The following CNTNAP5 variants were observed in gnomAD, a reference collection of about 807,000 sequenced individuals.
CNTNAP5 encodes contactin associated protein family member 5.
A neutral mutation model predicts 150.2 loss-of-function variants in CNTNAP5; 72 were observed. The ratio of observed to expected loss-of-function variants is 0.48; its 90% CI spans 0.40 to 0.58. The LOEUF is 0.58. CNTNAP5 is among the 20% of genes least tolerant of loss of function. CNTNAP5 has a pLI of 0.00. For synonymous variants in CNTNAP5, 672 were observed against 619.8 expected (o/e 1.08, Z -1.25); for missense variants, 1,636 against 1,626.2 (o/e 1.01, Z -0.10).
chr2:124,359,457 C>T, intron 3 of CNTNAP5, among the ~76,000 whole-genome samples: 1 of 151,750 alleles, frequency 6.6e-6, no homozygotes, highest in South Asian at 2.1e-4. Context: ...TATAAATTTC[C>T]CTCTACACAC....
At chr2:124,171,661 A>G (rs1431553921) in intron 1 of CNTNAP5, among the ~76,000 whole-genome samples, 3 of 152,196 alleles carry the variant, frequency 2.0e-5, no homozygotes, top group Non-Finnish European at 4.4e-5. Flanking sequence ...AGGTCTATCT[A>G]CTAGAGCAAA....
At chr2:124,508,510 C>T (rs1281570945) in intron 8 of CNTNAP5, among the ~76,000 whole-genome samples, 1 of 152,162 alleles carries the variant, frequency 6.6e-6, no homozygotes, top group Non-Finnish European at 1.5e-5. Context: ...CAGCACATTG[C>T]TCTTAAAAAT....
At chr2:124,395,212 A>G (rs965237599) in intron 3 of CNTNAP5, among the ~76,000 whole-genome samples, 2 of 152,208 alleles carry the variant, frequency 1.3e-5, no homozygotes, top group Admixed American at 1.3e-4. Context: ...ACAAAATAGA[A>G]AGAATCAAGT....
chr2:124,137,117 G>T (rs1443669680), intron 1 of CNTNAP5, among the ~76,000 whole-genome samples: 1 of 152,108 alleles, frequency 6.6e-6, no homozygotes, highest in African/African-American at 2.4e-5. Context: ...AGCTCCTCAA[G>T]GGCTAGATGA....
chr2:124,610,036 C>T (rs763367861), intron 12 of CNTNAP5, 116 bp downstream of exon 12: 280 of 1,198,840 alleles, frequency 2.3e-4, no homozygotes, highest in Middle Eastern at 5.4e-4. Context: ...ACCAACTGGT[C>T]TCCTTTGGGG....
Position 124,902,927 on chromosome 2 carries a change from G to A in CNTNAP5, c.3482G>A (p.Gly1161Asp). 1 of 1,612,652 alleles carries A rather than the reference G, an allele frequency of 6.2e-7. No homozygotes were observed. The highest frequency in any genetic ancestry group is 2.2e-5 in the East Asian group (1 of 44,688). The change falls in exon 22 of 24, where the codon GGT (glycine) becomes GAT (aspartate). Residue 1161 changes from glycine to aspartate, a missense_variant. Gly to Asp is a moderately conservative substitution (Grantham distance 94). Transcript: ENST00000682447. ...GAAGTTGCTAAAGCAAATGCCATGG[G>A]TTTTGCTGGATGCATGTCTTCCGTC... is the stretch of plus-strand genomic sequence containing the variant. ...DSEVAKANAM[G>D]FAGCMSSVQY...
At chr2:124,579,133 A>G (rs1439658355) in intron 11 of CNTNAP5, among the ~76,000 whole-genome samples, 2 of 152,166 alleles carry the variant, frequency 1.3e-5, no homozygotes, top group East Asian at 3.9e-4. Flanking sequence ...TACTCCTCTT[A>G]ACATATGTAA....
intron 6 of CNTNAP5, among the ~76,000 whole-genome samples, chr2:124,467,335 G>A (rs1299361426): frequency 1.3e-5 from 2 of 150,180 alleles, no homozygotes; most frequent in East Asian, 3.9e-4. Flanking sequence ...GCCAAGGTTG[G>A]GAATGTTGGA....
At chr2:124,689,262 T>G (rs1440660666) in intron 13 of CNTNAP5, among the ~76,000 whole-genome samples, 1 of 152,120 alleles carries the variant, frequency 6.6e-6, no homozygotes, top group Admixed American at 6.6e-5. Context: ...GATAAATCAG[T>G]AAACAAATAA....
chr2:124,452,250 G>C (rs1347208857), intron 6 of CNTNAP5, among the ~76,000 whole-genome samples: 2 of 152,060 alleles, frequency 1.3e-5, no homozygotes, highest in Non-Finnish European at 2.9e-5. Flanking sequence ...TGGGAGCTGG[G>C]TGAGGCCTGT....
At chr2:124,752,897 G>C (rs1680759173) in intron 14 of CNTNAP5, among the ~76,000 whole-genome samples, 1 of 152,122 alleles carries the variant, frequency 6.6e-6, no homozygotes, top group Non-Finnish European at 1.5e-5. Context: ...GTCAAAGGCT[G>C]GTGGAGCAGC....
At chr2:124,130,424 C>T (rs1683816742) in intron 1 of CNTNAP5, among the ~76,000 whole-genome samples, 2 of 151,950 alleles carry the variant, frequency 1.3e-5, no homozygotes, top group African/African-American at 4.8e-5. Flanking sequence ...GCCCCCTCCT[C>T]CATCCAAGCT....
Position 124,055,544 on chromosome 2 carries a change from G to T in CNTNAP5, c.82+29812G>T, listed in dbSNP as rs79555219. Among the ~76,000 whole-genome samples the T allele has an allele frequency of 1.6e-3, 248 of 152,208 alleles. 2 individuals are homozygous for T. Among genetic ancestry groups the T allele is most frequent in the African/African-American group, 5.7e-3 (237 of 41,514 alleles). On this transcript the variant is annotated intron_variant, in intron 1 of 23. Transcript: ENST00000682447. ...ACTCCCCAGAATGTTCTCGTCCAGTGACTCCTTACCAGTGGGATATGATCA... is the reference window on the plus strand; with the variant it reads ...ACTCCCCAGAATGTTCTCGTCCAGTTACTCCTTACCAGTGGGATATGATCA...
intron 19 of CNTNAP5, among the ~76,000 whole-genome samples, chr2:124,855,348 T>C (rs1677349195): frequency 6.6e-6 from 1 of 151,982 alleles, no homozygotes; most frequent in South Asian, 2.1e-4. Flanking sequence ...CGGCTAATTT[T>C]TATATTTTCA....
At chr2:124,453,449 A>C (rs1449849601) in intron 6 of CNTNAP5, among the ~76,000 whole-genome samples, 1 of 152,226 alleles carries the variant, frequency 6.6e-6, no homozygotes, top group Non-Finnish European at 1.5e-5. Flanking sequence ...AAATGTTTGG[A>C]AAATATATTT....
intron 12 of CNTNAP5, among the ~76,000 whole-genome samples, chr2:124,641,844 C>T (rs990134062): frequency 6.6e-5 from 10 of 152,126 alleles, no homozygotes; most frequent in African/African-American, 2.2e-4. Flanking sequence ...TGCAAAGAGA[C>T]AGATATGTGT....
chr2:124,269,615 G>A (rs780030), intron 3 of CNTNAP5, among the ~76,000 whole-genome samples: 44,670 of 151,852 alleles, frequency 0.29, 7,188 homozygotes, highest in Admixed American at 0.38. Flanking sequence ...GATAAGAGAG[G>A]AAGGCCTCTG....
At chr2:124,503,339 G>A (rs1050961550) in intron 7 of CNTNAP5, among the ~76,000 whole-genome samples, 46 of 152,266 alleles carry the variant, frequency 3.0e-4, no homozygotes, top group African/African-American at 9.9e-4. Context: ...AAACCACTAC[G>A]CTGCTCTGGA....
chr2:124,494,958 A>T (rs191546819), intron 7 of CNTNAP5, among the ~76,000 whole-genome samples: 211 of 152,316 alleles, frequency 1.4e-3, no homozygotes, highest in African/African-American at 4.8e-3. Flanking sequence ...AATACAAAAG[A>T]TTTTAAGTAT....
Sources: gnomAD v4.1 joint callset for allele counts (sites outside exome capture counted in the v4.1 genomes callset) on GRCh38, gnomAD v4.1.1 for gene constraint, MANE v1.5 for transcripts, NCBI Gene and HGNC (gene_info 2026-07-23, HGNC 2026-07-21) for gene names.